UGT1A6: variants seen among roughly 807,000 people sequenced by gnomAD.
UGT1A6 encodes UDP glucuronosyltransferase family 1 member A6, also known as UDP-glucuronosyltransferase 1A6.
In UGT1A6, 32 loss-of-function variants were observed where a neutral mutation model predicts 44.4. The ratio of observed to expected loss-of-function variants is 0.72; its 90% confidence interval spans 0.54 to 0.97. UGT1A6 has a LOEUF of 0.97. Among genes scored for constraint, UGT1A6 ranks in the 50% least tolerant of loss-of-function variants. The probability of loss-of-function intolerance (pLI) is 0.00; values close to 1 mark genes in which losing one functional copy is unlikely to be tolerated. For synonymous variants in UGT1A6, 238 were observed against 248.5 expected (o/e 0.96, Z 0.40); for missense variants, 685 against 661.9 (o/e 1.03, Z -0.38).
chr2:233,760,809 A>G (rs1407366507), intron 1 of UGT1A6: 1 of 1,613,186 alleles, frequency 6.2e-7, no homozygotes, highest in South Asian at 1.1e-5. Flanking sequence ...TCTTGCATGC[A>G]CTGCCATGCA....
Position 233,769,262 on chromosome 2 carries a change from G to A in UGT1A6, c.1301+823G>A, listed in dbSNP as rs1197405588. ...TTTGCTCAAATGTGGCCCTGAAAAC[G>A]ATTCAAAGGGCAAATGATTTCTGGA... is the stretch of plus-strand genomic sequence containing the variant. On this transcript the variant is annotated intron_variant, in intron 4 of 4. Coordinates refer to ENST00000305139, the MANE Select transcript of UGT1A6 (RefSeq NM_001072.4). The surrounding 1 kb of genome is among the most constrained non-coding windows in gnomAD (Gnocchi z 4.4). Among the ~76,000 whole-genome samples the A allele has an allele frequency of 1.3e-5, 2 of 152,184 alleles. No homozygotes were observed. The highest frequency in any genetic ancestry group is 2.9e-5 in the Non-Finnish European group (2 of 68,036).
At chr2:233,735,907 G>A (rs1349886995) in intron 1 of UGT1A6, among the ~76,000 whole-genome samples, 1 of 151,990 alleles carries the variant, frequency 6.6e-6, no homozygotes, top group African/African-American at 2.4e-5. Context: ...TTCCCTTTGT[G>A]GGTAACCCGA....
At chr2:233,693,927 A>G in intron 1 of UGT1A6, 62 bp downstream of exon 1, 1 of 1,608,872 alleles carries the variant, frequency 6.2e-7, no homozygotes, top group Non-Finnish European at 8.5e-7. Context: ...TCCCTCACTC[A>G]TTTGGCTCCT....
intron 1 of UGT1A6, among the ~76,000 whole-genome samples, chr2:233,701,055 T>G (rs904077484): frequency 6.6e-6 from 1 of 152,218 alleles, no homozygotes; most frequent in Non-Finnish European, 1.5e-5. Context: ...GAACTCATAA[T>G]TTTTTATGGC....
chr2:233,707,397 T>C (rs911448134), intron 1 of UGT1A6, among the ~76,000 whole-genome samples: 1 of 152,214 alleles, frequency 6.6e-6, no homozygotes, highest in Non-Finnish European at 1.5e-5. Context: ...CTATTCTTTT[T>C]GATGTTCTCT....
At chr2:233,770,880 T>C (rs1452182002) in intron 4 of UGT1A6, 6 of 152,248 alleles carry the variant, frequency 3.9e-5, no homozygotes, top group African/African-American at 1.2e-4. Context: ...AGAGGTTTCA[T>C]TGGCTCGTGT....
intron 1 of UGT1A6, among the ~76,000 whole-genome samples, chr2:233,706,103 A>T (rs564369770): frequency 6.6e-6 from 1 of 152,060 alleles, no homozygotes; most frequent in Non-Finnish European, 1.5e-5. Context: ...TTAAAAAAAA[A>T]CCAAGAATTT....
chr2:233,725,733 T>C (rs1277713269), intron 1 of UGT1A6, among the ~76,000 whole-genome samples: 1 of 152,236 alleles, frequency 6.6e-6, no homozygotes, highest in Non-Finnish European at 1.5e-5. Flanking sequence ...TGTTTACAAA[T>C]GTAAACATTG....
At chr2:233,698,282 G>T (rs866181850) in intron 1 of UGT1A6, among the ~76,000 whole-genome samples, 47 of 151,926 alleles carry the variant, frequency 3.1e-4, no homozygotes, top group African/African-American at 1.1e-3. Flanking sequence ...TCAACACTAT[G>T]AAAAAAAATG....
chr2:233,701,273 T>A (rs1241801591), intron 1 of UGT1A6, among the ~76,000 whole-genome samples: 2 of 152,178 alleles, frequency 1.3e-5, no homozygotes, highest in African/African-American at 4.8e-5. Context: ...TTTCTAGTTC[T>A]AGATCCTTGA....
intron 1 of UGT1A6, among the ~76,000 whole-genome samples, chr2:233,748,636 A>G (rs1201080065): frequency 6.6e-6 from 1 of 151,796 alleles, no homozygotes; most frequent in African/African-American, 2.4e-5. Flanking sequence ...CTGTGATTAT[A>G]GAATTACACA....
intron 1 of UGT1A6, among the ~76,000 whole-genome samples, chr2:233,724,910 T>C (rs1266541545): frequency 3.6e-5 from 5 of 139,534 alleles, no homozygotes; most frequent in Admixed American, 2.1e-4. Flanking sequence ...CTGGGCACCA[T>C]TGAGCACTGA....
At chr2:233,712,503 G>T (rs2076237621) in intron 1 of UGT1A6, among the ~76,000 whole-genome samples, 1 of 152,214 alleles carries the variant, frequency 6.6e-6, no homozygotes, top group Non-Finnish European at 1.5e-5. Flanking sequence ...TAGCAATGTT[G>T]TCTGCATTTT....
At chr2:233,745,373 C>A (rs1317791294) in intron 1 of UGT1A6, among the ~76,000 whole-genome samples, 1 of 151,774 alleles carries the variant, frequency 6.6e-6, no homozygotes, top group East Asian at 1.9e-4. Flanking sequence ...GATCTGAGTT[C>A]TCTTCACCTC....
intron 1 of UGT1A6, among the ~76,000 whole-genome samples, chr2:233,717,069 ACGTAAC>A (rs1446904870): frequency 6.6e-6 from 1 of 152,152 alleles, no homozygotes. Flanking sequence ...AGTGCCAGAC[ACGTAAC>A]CAGAAATCAG....
At chr2:233,753,320 G>A (rs1197807028) in intron 1 of UGT1A6, 1 of 152,228 alleles carries the variant, frequency 6.6e-6, no homozygotes, top group Non-Finnish European at 1.5e-5. Context: ...CTGTGGGATG[G>A]TGCCAGCTGA....
In UGT1A6 at chr2:233,769,517, G is replaced by T; in HGVS notation, c.1301+1078G>T. 6.2e-7 allele frequency: 1 copy of T among 1,612,844 alleles called. No homozygotes were observed. The highest frequency in any genetic ancestry group is 8.5e-7 in the Non-Finnish European group (1 of 1,179,874). On this transcript the variant is annotated intron_variant, in intron 4 of 4. Transcript: ENST00000305139. The surrounding 1 kb of genome is among the most constrained non-coding windows in gnomAD (Gnocchi z 4.4). ...AGAGTGTCCATTGCTTTCTCCCATGGTTACCTCCTTTAGAAAGAAGCAGCA... is the reference window on the plus strand; with the variant it reads ...AGAGTGTCCATTGCTTTCTCCCATGTTTACCTCCTTTAGAAAGAAGCAGCA...
intron 1 of UGT1A6, among the ~76,000 whole-genome samples, chr2:233,705,254 C>G (rs2075836085): frequency 6.6e-6 from 1 of 151,940 alleles, no homozygotes; most frequent in African/African-American, 2.4e-5. Context: ...TCAGATTATT[C>G]TATGGGGTCA....
chr2:233,752,857 TTG>T (rs1695078036), intron 1 of UGT1A6, among the ~76,000 whole-genome samples: 1 of 152,216 alleles, frequency 6.6e-6, no homozygotes, highest in Non-Finnish European at 1.5e-5. Flanking sequence ...AATTTGAACT[TTG>T]TGTTAGCTTT....
Sources: allele counts gnomAD v4.1 joint callset (sites outside exome capture counted in the v4.1 genomes callset), GRCh38; gene constraint gnomAD v4.1.1; non-coding constraint Gnocchi (gnomAD v3.1); transcripts MANE v1.5; gene names NCBI Gene and HGNC (gene_info 2026-07-23, HGNC 2026-07-21).